Variants in MIS18A observed in about 807,000 individuals in gnomAD.
The protein encoded by MIS18A is protein Mis18-alpha.
In MIS18A, 14 loss-of-function variants were observed where a neutral mutation model predicts 25.0. The ratio of observed to expected loss-of-function variants is 0.56; its 90% CI spans 0.37 to 0.88. The LOEUF is 0.88. Among genes scored for constraint, MIS18A ranks in the 40% least tolerant of loss-of-function variants. The pLI is 0.00. For synonymous variants in MIS18A, 134 were observed against 118.6 expected (o/e 1.13, Z -0.84); for missense variants, 292 against 290.8 (o/e 1.00, Z -0.03).
At chr21:32,241,501 A>C in the MIS18A span, among the ~76,000 whole-genome samples, 1 of 152,208 alleles carries the variant, frequency 6.6e-6, no homozygotes, top group Non-Finnish European at 1.5e-5. Flanking sequence ...GATGGGCTAC[A>C]TCCTATTTCC....
the MIS18A span, among the ~76,000 whole-genome samples, chr21:32,214,225 A>C: frequency 6.6e-6 from 1 of 151,964 alleles, no homozygotes; most frequent in East Asian, 1.9e-4. Context: ...GAGGCCAGAA[A>C]CCCCCATTCT....
the MIS18A span, chr21:32,261,389 G>A: frequency 1.3e-5 from 2 of 152,206 alleles, no homozygotes; most frequent in Non-Finnish European, 2.9e-5. Context: ...AAGTCAGTGC[G>A]GTTAAAAATA....
At chr21:32,247,337 G>A in the MIS18A span, among the ~76,000 whole-genome samples, 1 of 152,126 alleles carries the variant, frequency 6.6e-6, no homozygotes, top group Non-Finnish European at 1.5e-5. Flanking sequence ...TCTCCCTTGG[G>A]GAAAAGGAGT....
chr21:32,177,898 C>T, the MIS18A span, among the ~76,000 whole-genome samples: 1 of 92,416 alleles, frequency 1.1e-5, no homozygotes, highest in Non-Finnish European at 2.0e-5. Context: ...AAAATCCTGG[C>T]TTTTTTTTTC....
At chr21:32,229,232 A>G in the MIS18A span, among the ~76,000 whole-genome samples, 1 of 152,362 alleles carries the variant, frequency 6.6e-6, no homozygotes, top group East Asian at 1.9e-4. Flanking sequence ...CCTAAGGGTA[A>G]GTCAGCAGGA....
At chr21:32,163,894 C>T in the MIS18A span, among the ~76,000 whole-genome samples, 5 of 152,096 alleles carry the variant, frequency 3.3e-5, no homozygotes, top group Non-Finnish European at 5.9e-5. Context: ...AAGAGGTGTG[C>T]AAGAAACTTG....
At chr21:32,199,637 G>A in the MIS18A span, among the ~76,000 whole-genome samples, 1,921 of 151,902 alleles carry the variant, frequency 0.013, 30 homozygotes, top group African/African-American at 0.043. Context: ...GTAAAACCCC[G>A]CCTCTACTAA....
the MIS18A span, among the ~76,000 whole-genome samples, chr21:32,247,484 C>A: frequency 1.3e-5 from 2 of 152,196 alleles, no homozygotes; most frequent in Admixed American, 6.5e-5. Context: ...TCCTAACAAG[C>A]CTGTCAGTTG....
the MIS18A span, among the ~76,000 whole-genome samples, chr21:32,160,325 CACACACAT>C: frequency 9.6e-4 from 127 of 131,752 alleles, 1 homozygote; most frequent in East Asian, 0.015. Context: ...CACACACACA[CACACACAT>C]ACACCATTTC....
the MIS18A span, among the ~76,000 whole-genome samples, chr21:32,187,933 T>C: frequency 1.3e-5 from 2 of 151,764 alleles, no homozygotes; most frequent in African/African-American, 4.8e-5. Flanking sequence ...TTAGATGAGG[T>C]CATGAGGGTC....
intron 2 of MIS18A, among the ~76,000 whole-genome samples, chr21:32,273,248 C>T (rs1040850661): frequency 1.3e-5 from 2 of 151,840 alleles, no homozygotes; most frequent in African/African-American, 4.8e-5. Flanking sequence ...TGGAAGTTCT[C>T]TAAAACCCAT....
the MIS18A span, among the ~76,000 whole-genome samples, chr21:32,253,317 G>A: frequency 2.0e-5 from 3 of 152,184 alleles, no homozygotes; most frequent in African/African-American, 4.8e-5. Flanking sequence ...GGCATGCGCA[G>A]TTTCCAGCTG....
the MIS18A span, among the ~76,000 whole-genome samples, chr21:32,232,625 T>G: frequency 6.6e-6 from 1 of 152,130 alleles, no homozygotes; most frequent in Non-Finnish European, 1.5e-5. Context: ...GAGGACATCA[T>G]GCTACGTGAA....
the MIS18A span, among the ~76,000 whole-genome samples, chr21:32,253,882 T>C: frequency 6.6e-6 from 1 of 152,228 alleles, no homozygotes; most frequent in Admixed American, 6.5e-5. Context: ...GAAATAGTTT[T>C]AGTTGATTTA....
At chr21:32,234,463 GC>G in the MIS18A span, among the ~76,000 whole-genome samples, 1 of 152,170 alleles carries the variant, frequency 6.6e-6, no homozygotes, top group East Asian at 1.9e-4. Flanking sequence ...CAGAAGCTCT[GC>G]TTCTGAGTCC....
At chr21:32,167,873 AAAC>A in the MIS18A span, among the ~76,000 whole-genome samples, 1 of 152,202 alleles carries the variant, frequency 6.6e-6, no homozygotes, top group Non-Finnish European at 1.5e-5. Context: ...TCCAAGGAGA[AAAC>A]ATAAGACTGA....
chr21:32,228,041 A>G, the MIS18A span, among the ~76,000 whole-genome samples: 1 of 152,164 alleles, frequency 6.6e-6, no homozygotes, highest in African/African-American at 2.4e-5. Context: ...AATTTCCTCA[A>G]CCTCATAAAG....
the MIS18A span, among the ~76,000 whole-genome samples, chr21:32,249,270 G>A: frequency 6.6e-6 from 1 of 152,188 alleles, no homozygotes; most frequent in African/African-American, 2.4e-5. Flanking sequence ...GAGTGAGTGT[G>A]GGGGTGCTTT....
the MIS18A span, among the ~76,000 whole-genome samples, chr21:32,190,764 G>A: frequency 2.6e-5 from 4 of 152,222 alleles, no homozygotes; most frequent in Admixed American, 6.5e-5. Flanking sequence ...TAAATAGGCA[G>A]AGAAGCTATG....
Sources: allele counts gnomAD v4.1 joint callset (sites outside exome capture counted in the v4.1 genomes callset), GRCh38; gene constraint gnomAD v4.1.1; transcripts MANE v1.5; gene names NCBI Gene and HGNC (gene_info 2026-07-23, HGNC 2026-07-21).